The following PTPRD variants were observed in gnomAD, a reference collection of about 807,000 sequenced individuals.
PTPRD encodes protein tyrosine phosphatase receptor type D.
Under a neutral mutation model 214.5 loss-of-function variants are expected in PTPRD, and 34 were observed. That is an observed-to-expected ratio of 0.16 (90% confidence interval 0.12 to 0.21). The LOEUF (loss-of-function observed/expected upper bound fraction) is 0.21. Among genes scored for constraint, PTPRD ranks in the 10% least tolerant of loss-of-function variants. PTPRD has a pLI of 1.00. For synonymous variants in PTPRD, 1,128 were observed against 845.7 expected (o/e 1.33, Z -5.79); for missense variants, 2,545 against 2,398.7 (o/e 1.06, Z -1.27).
chr9:8,785,203 A>G lies in PTPRD; in HGVS notation c.-103-51257T>C, dbSNP rs147537569. On this transcript the variant is annotated intron_variant, in intron 11 of 45. Transcript: ENST00000381196. Reference sequence around the variant, plus strand: ...TTTGGTAAGAGGGAACACATATTTAAAAGAGACTGAAACAAGGAGATGATG... The same window carrying G: ...TTTGGTAAGAGGGAACACATATTTAGAAGAGACTGAAACAAGGAGATGATG... Among the ~76,000 whole-genome samples the G allele has an allele frequency of 2.2e-3, 330 of 152,332 alleles. 1 individual carries two copies. Among genetic ancestry groups the G allele is most frequent in the African/African-American group, 7.5e-3 (311 of 41,584 alleles).
rs73408128 is a variant in PTPRD, at chr9:10,442,648, G to A, written c.-599-101631C>T. Reference sequence around the variant, plus strand: ...GAGAAACTGAGTCCCTGCCATTGCTGAGTTCTTGCAAGAAATGTTCATTTG... The same window carrying A: ...GAGAAACTGAGTCCCTGCCATTGCTAAGTTCTTGCAAGAAATGTTCATTTG... On this transcript the variant is annotated intron_variant, in intron 2 of 45. Coordinates refer to ENST00000381196, the MANE Select transcript of PTPRD (RefSeq NM_002839.4). Among the ~76,000 whole-genome samples the A allele has an allele frequency of 5.6e-3, 852 of 151,666 alleles. 5 individuals carry two copies. The highest frequency in any genetic ancestry group is 0.018 in the African/African-American group (727 of 41,480).
At chr9:9,563,203 A>G in intron 8 of PTPRD, among the ~76,000 whole-genome samples, 1 of 152,162 alleles carries the variant, frequency 6.6e-6, no homozygotes, top group East Asian at 1.9e-4. Flanking sequence ...TAGTAATAAA[A>G]GTTGTAAGGA....
At chr9:10,441,214 A>T (rs2098756139) in intron 2 of PTPRD, among the ~76,000 whole-genome samples, 1 of 151,726 alleles carries the variant, frequency 6.6e-6, no homozygotes. Context: ...GTTACCTTAC[A>T]ATCATTCAAC....
At chr9:9,195,086 G>GTATATA (rs540804635) in intron 9 of PTPRD, among the ~76,000 whole-genome samples, 16,605 of 130,820 alleles carry the variant, frequency 0.13, 1,255 homozygotes, top group Non-Finnish European at 0.17. Context: ...GTGTGTTTGT[G>GTATATA]TATATATATA....
chr9:10,239,221 T>C (rs1488607917), intron 3 of PTPRD, among the ~76,000 whole-genome samples: 1 of 151,968 alleles, frequency 6.6e-6, no homozygotes, highest in African/African-American at 2.4e-5. Flanking sequence ...TCAGGCAAAG[T>C]CACATTACCT....
At chr9:8,893,428 C>T (rs1454539847) in intron 11 of PTPRD, among the ~76,000 whole-genome samples, 2 of 152,112 alleles carry the variant, frequency 1.3e-5, no homozygotes, top group East Asian at 3.9e-4. Flanking sequence ...AGCGAAGTGA[C>T]CAAGAAAGGA....
At chr9:9,289,396 T>A (rs553720103) in intron 9 of PTPRD, among the ~76,000 whole-genome samples, 6 of 151,892 alleles carry the variant, frequency 4.0e-5, no homozygotes, top group African/African-American at 7.2e-5. Flanking sequence ...ATGTGTACAA[T>A]GTGATTTCAT....
At chr9:10,053,353 G>A (rs1192930198) in intron 3 of PTPRD, among the ~76,000 whole-genome samples, 1 of 152,128 alleles carries the variant, frequency 6.6e-6, no homozygotes, top group Non-Finnish European at 1.5e-5. Flanking sequence ...TCCAAGATGA[G>A]GTAGTCTGAG....
chr9:8,516,586 G>T (rs905231523), intron 21 of PTPRD, among the ~76,000 whole-genome samples: 9 of 152,094 alleles, frequency 5.9e-5, no homozygotes, highest in Non-Finnish European at 1.0e-4. Flanking sequence ...ACATTATCTA[G>T]TACTGGCATC....
chr9:9,088,636 C>A (rs951794339), intron 10 of PTPRD, among the ~76,000 whole-genome samples: 6 of 137,678 alleles, frequency 4.4e-5, no homozygotes, highest in African/African-American at 1.6e-4. Context: ...TAGATGGTCT[C>A]AAAGGACCTT....
At chr9:9,499,275 A>G (rs998388046) in intron 8 of PTPRD, among the ~76,000 whole-genome samples, 1 of 152,118 alleles carries the variant, frequency 6.6e-6, no homozygotes, top group African/African-American at 2.4e-5. Context: ...ACAACTTCTG[A>G]AAAATTGAAA....
intron 8 of PTPRD, among the ~76,000 whole-genome samples, chr9:9,511,686 C>T (rs539584371): frequency 4.0e-4 from 61 of 151,814 alleles, no homozygotes; most frequent in African/African-American, 1.4e-3. Context: ...TTTATTCTTT[C>T]TCAAATGTTT....
At chr9:9,472,951 ATATT>A (rs1319894479) in intron 8 of PTPRD, among the ~76,000 whole-genome samples, 2 of 152,240 alleles carry the variant, frequency 1.3e-5, no homozygotes, top group South Asian at 2.1e-4. Flanking sequence ...CACACCTCAT[ATATT>A]TATTATTTCT....
chr9:10,495,241 A>C (rs2041684973), intron 2 of PTPRD, among the ~76,000 whole-genome samples: 1 of 151,790 alleles, frequency 6.6e-6, no homozygotes, highest in African/African-American at 2.4e-5. Flanking sequence ...GAATTAAAGG[A>C]GTGCACTTGG....
intron 5 of PTPRD, among the ~76,000 whole-genome samples, chr9:9,827,051 T>C (rs376847968): frequency 6.6e-5 from 10 of 152,202 alleles, no homozygotes; most frequent in African/African-American, 1.9e-4. Context: ...ATAAGAAGAA[T>C]CAATATCGTG....
chr9:9,682,108 G>C (rs1025583098), intron 7 of PTPRD, among the ~76,000 whole-genome samples: 1 of 151,686 alleles, frequency 6.6e-6, no homozygotes, highest in African/African-American at 2.4e-5. Context: ...AAACAGCAAA[G>C]TGATTGTTTA....
chr9:8,571,111 AT>A (rs2091015668), intron 14 of PTPRD, among the ~76,000 whole-genome samples: 2 of 152,006 alleles, frequency 1.3e-5, no homozygotes, highest in African/African-American at 2.4e-5. Flanking sequence ...CCATTTATCA[AT>A]TTTTACCTTG....
chr9:9,022,024 G>A (rs369496831), intron 10 of PTPRD, among the ~76,000 whole-genome samples: 1 of 151,964 alleles, frequency 6.6e-6, no homozygotes, highest in Admixed American at 6.6e-5. Flanking sequence ...GCTAATGCAT[G>A]CGGGGCTTAA....
At chr9:8,727,298 T>C (rs1053667048) in intron 12 of PTPRD, among the ~76,000 whole-genome samples, 1 of 152,204 alleles carries the variant, frequency 6.6e-6, no homozygotes. Context: ...AGAGTCTTAA[T>C]CTTACTAGGT....
Sources: gnomAD v4.1 joint callset for allele counts (sites outside exome capture counted in the v4.1 genomes callset) on GRCh38, gnomAD v4.1.1 for gene constraint, MANE v1.5 for transcripts, NCBI Gene and HGNC (gene_info 2026-07-23, HGNC 2026-07-21) for gene names.